Variants in SNTG2 observed in about 807,000 individuals in gnomAD.
SNTG2 encodes syntrophin gamma 2.
SNTG2 carries 74 observed loss-of-function variants against 70.9 expected under a neutral mutation model. That is an observed-to-expected ratio of 1.04 (90% CI 0.86 to 1.27). The LOEUF (loss-of-function observed/expected upper bound fraction) is 1.27. SNTG2 is among the 50% of genes most tolerant of loss of function. The probability of loss-of-function intolerance (pLI) is 0.00; values close to 1 mark genes in which losing one functional copy is unlikely to be tolerated. For missense variants in SNTG2, 717 were observed against 690.7 expected (o/e 1.04, Z -0.43); for synonymous variants, 278 against 273.8 (o/e 1.02, Z -0.15).
At chr2:1,207,080 C>T (rs1367054725) in intron 8 of SNTG2, among the ~76,000 whole-genome samples, 1 of 152,180 alleles carries the variant, frequency 6.6e-6, no homozygotes, top group Non-Finnish European at 1.5e-5. Flanking sequence ...ATAATTAAAA[C>T]CTTGCCACAG....
intron 8 of SNTG2, among the ~76,000 whole-genome samples, chr2:1,203,366 A>C (rs1673397706): frequency 6.6e-6 from 1 of 152,084 alleles, no homozygotes; most frequent in Admixed American, 6.6e-5. Flanking sequence ...AGAGTGACAA[A>C]TGTTACACAG....
At chr2:1,220,125 C>G (rs891064696) in intron 9 of SNTG2, 2 of 152,266 alleles carry the variant, frequency 1.3e-5, no homozygotes, top group Non-Finnish European at 2.9e-5. Context: ...GCTCTGAGCT[C>G]GCGCGTCCCG....
intron 2 of SNTG2, among the ~76,000 whole-genome samples, chr2:1,093,476 C>G (rs192964490): frequency 6.6e-6 from 1 of 152,278 alleles, no homozygotes; most frequent in Admixed American, 6.5e-5. Context: ...TTCCTGTTTA[C>G]TTTTTATCAT....
intron 8 of SNTG2, among the ~76,000 whole-genome samples, chr2:1,206,410 G>A (rs970542536): frequency 6.6e-6 from 1 of 152,166 alleles, no homozygotes; most frequent in African/African-American, 2.4e-5. Flanking sequence ...GCAAAGAGCT[G>A]GGTGTGCTGG....
At chr2:1,156,712 C>T (rs1270110190) in intron 6 of SNTG2, among the ~76,000 whole-genome samples, 1 of 152,098 alleles carries the variant, frequency 6.6e-6, no homozygotes, top group East Asian at 1.9e-4. Flanking sequence ...GAGGAGGAGG[C>T]AGTGAGGTCC....
At chr2:1,227,427 C>T (rs1675865700) in intron 9 of SNTG2, among the ~76,000 whole-genome samples, 1 of 152,260 alleles carries the variant, frequency 6.6e-6, no homozygotes, top group African/African-American at 2.4e-5. Context: ...GCGTCTGCTG[C>T]TGCAGGTGGG....
chr2:1,223,879 T>C (rs934363313), intron 9 of SNTG2, among the ~76,000 whole-genome samples: 2 of 151,508 alleles, frequency 1.3e-5, no homozygotes, highest in African/African-American at 4.8e-5. Context: ...AGCACACAGA[T>C]GGGTGGCCTT....
chr2:1,090,433 G>A (rs945358136), intron 2 of SNTG2, among the ~76,000 whole-genome samples: 1 of 152,206 alleles, frequency 6.6e-6, no homozygotes, highest in African/African-American at 2.4e-5. Context: ...CTTGATTCTT[G>A]CTTCCTTGGA....
In SNTG2 at chr2:1,009,171, A is replaced by G. The variant is rs1037350786; in HGVS notation, c.72+58103A>G. 4.1e-5 allele frequency among the ~76,000 whole-genome samples: 4 copies of G among 98,138 alleles called. No homozygotes were observed. The East Asian group carries it at 8.9e-4, about 22-fold the overall frequency. 64.4% of individuals were successfully genotyped at this position (98,138 alleles called of 152,430 possible). On this transcript the variant is annotated intron_variant, in intron 1 of 16. Transcript: ENST00000308624. Reference sequence around the variant, plus strand: ...GCCACACCTGTGTCCCCGGGAAGACATGCTGGTTCTGATACTGGTGTGGGT... The same window carrying G: ...GCCACACCTGTGTCCCCGGGAAGACGTGCTGGTTCTGATACTGGTGTGGGT...
At chr2:1,280,951 C>T (rs1231006991) in intron 14 of SNTG2, among the ~76,000 whole-genome samples, 4 of 152,210 alleles carry the variant, frequency 2.6e-5, no homozygotes, top group Non-Finnish European at 5.9e-5. Context: ...CACGTGGACA[C>T]GTAGCTAGCT....
chr2:1,051,887 G>C (rs763687097), intron 1 of SNTG2, among the ~76,000 whole-genome samples: 1 of 152,186 alleles, frequency 6.6e-6, no homozygotes, highest in Non-Finnish European at 1.5e-5. Context: ...GAGGCTGTTG[G>C]TTGTTGGATA....
chr2:1,240,799 C>T (rs1054570831), intron 11 of SNTG2, among the ~76,000 whole-genome samples: 1 of 152,082 alleles, frequency 6.6e-6, no homozygotes, highest in African/African-American at 2.4e-5. Flanking sequence ...GTTCTTCTAA[C>T]TTTTATCTCT....
intron 8 of SNTG2, among the ~76,000 whole-genome samples, chr2:1,194,507 T>G (rs1278949881): frequency 2.5e-5 from 3 of 118,906 alleles, no homozygotes; most frequent in Non-Finnish European, 3.5e-5. Context: ...AGGTACCACG[T>G]TGGTTGATTC....
intron 9 of SNTG2, among the ~76,000 whole-genome samples, chr2:1,234,350 T>C (rs1212719439): frequency 6.6e-6 from 1 of 152,256 alleles, no homozygotes; most frequent in Non-Finnish European, 1.5e-5. Flanking sequence ...GTATCTGCCA[T>C]CAGCATTCAT....
At chr2:1,335,177 G>A (rs1036416262) in intron 16 of SNTG2, among the ~76,000 whole-genome samples, 2 of 132,492 alleles carry the variant, frequency 1.5e-5, no homozygotes, top group East Asian at 2.8e-4. Context: ...ACATACCCCC[G>A]TGCGTTCCTC....
intron 1 of SNTG2, among the ~76,000 whole-genome samples, chr2:1,076,608 A>C (rs778650233): frequency 5.9e-5 from 9 of 152,246 alleles, no homozygotes; most frequent in Non-Finnish European, 1.0e-4. Context: ...GCTAGAAGGC[A>C]TCAGTGTGCT....
At chr2:1,363,674 A>G (rs1253488317) in intron 16 of SNTG2, among the ~76,000 whole-genome samples, 2 of 152,210 alleles carry the variant, frequency 1.3e-5, no homozygotes, top group African/African-American at 4.8e-5. Context: ...CAAAATGTCA[A>G]AATGTGATTT....
intron 16 of SNTG2, among the ~76,000 whole-genome samples, chr2:1,359,567 AG>A (rs1348021322): frequency 6.6e-6 from 1 of 152,156 alleles, no homozygotes; most frequent in Admixed American, 6.5e-5. Flanking sequence ...TGAAATCTAA[AG>A]TGAGTCTCTT....
At chr2:1,145,912 A>T (rs867480271) in intron 6 of SNTG2, among the ~76,000 whole-genome samples, 1 of 152,240 alleles carries the variant, frequency 6.6e-6, no homozygotes, top group East Asian at 1.9e-4. Flanking sequence ...TTGGAAATTA[A>T]TGTAATTTAT....
Sources: allele counts gnomAD v4.1 joint callset (sites outside exome capture counted in the v4.1 genomes callset), GRCh38; gene constraint gnomAD v4.1.1; transcripts MANE v1.5; gene names NCBI Gene and HGNC (gene_info 2026-07-23, HGNC 2026-07-21).